CDH7: variants seen among roughly 807,000 people sequenced by gnomAD.
CDH7 encodes the protein cadherin 7.
CDH7 carries 25 observed loss-of-function variants against 71.8 expected under a neutral mutation model. That is an observed-to-expected ratio of 0.35 (90% CI 0.25 to 0.49). The LOEUF is 0.49. Among genes scored for constraint, CDH7 ranks in the 20% least tolerant of loss-of-function variants. The probability of loss-of-function intolerance (pLI) is 0.99; values close to 1 mark genes in which losing one functional copy is unlikely to be tolerated. For synonymous variants in CDH7, 381 were observed against 363.8 expected (o/e 1.05, Z -0.54); for missense variants, 862 against 974.6 (o/e 0.88, Z 1.54).
chr18:65,762,842 G>C lies in CDH7; in HGVS notation c.-1G>C. On this transcript the variant is annotated 5_prime_UTR_variant, in exon 2 of 12. Coordinates refer to ENST00000397968, the MANE Select transcript of CDH7 (RefSeq NM_004361.5). ...ACAGGAAAAAGAAAGAAAAAAAAAAGATGAAGTTGGGCAAAGTGGAGTTCT... is the reference window on the plus strand; with the variant it reads ...ACAGGAAAAAGAAAGAAAAAAAAAACATGAAGTTGGGCAAAGTGGAGTTCT... 3.1e-6 allele frequency: 5 copies of C among 1,595,312 alleles called. No homozygotes were observed. The highest frequency in any genetic ancestry group is 4.3e-6 in the Non-Finnish European group (5 of 1,172,976).
intron 4 of CDH7, among the ~76,000 whole-genome samples, chr18:65,816,061 T>C (rs4144764): frequency 0.86 from 130,790 of 152,158 alleles, 57,956 homozygotes; most frequent in East Asian, 0.99. Context: ...CCTATGGAGA[T>C]AAAGCCATAC....
chr18:65,827,958 C>T (rs1912192536), intron 6 of CDH7, among the ~76,000 whole-genome samples: 1 of 151,762 alleles, frequency 6.6e-6, no homozygotes, highest in Non-Finnish European at 1.5e-5. Flanking sequence ...AAAACAAAAT[C>T]TCAGTTTTCC....
At position 65,852,084 on chromosome 18, in the gene CDH7, G is replaced by A. The variant is rs141102061; in HGVS notation, c.1236-5732G>A. On this transcript the variant is annotated intron_variant, in intron 7 of 11. Coordinates refer to ENST00000397968, the MANE Select transcript of CDH7 (RefSeq NM_004361.5). Reference sequence around the variant, plus strand: ...AGAAAAGGCACAGAATTGGAGATGTGTGTGGTATATTTGTTCACCACTTAA... The same window carrying A: ...AGAAAAGGCACAGAATTGGAGATGTATGTGGTATATTTGTTCACCACTTAA... Among the ~76,000 whole-genome samples, 1,047 of 152,216 alleles carry A rather than the reference G, an allele frequency of 6.9e-3. 11 individuals carry two copies. The highest frequency in any genetic ancestry group is 0.034 in the East Asian group (176 of 5,162).
At chr18:65,761,460 A>C (rs1315543275) in intron 1 of CDH7, among the ~76,000 whole-genome samples, 1 of 151,412 alleles carries the variant, frequency 6.6e-6, no homozygotes, top group Non-Finnish European at 1.5e-5. Flanking sequence ...GCTTATGAGG[A>C]TAGTGCATTT....
chr18:65,758,460 A>G (rs918203548), intron 1 of CDH7, among the ~76,000 whole-genome samples: 2 of 152,216 alleles, frequency 1.3e-5, no homozygotes, highest in East Asian at 3.9e-4. Flanking sequence ...ACTGCCAAAA[A>G]TACTGGGGAA....
Position 65,889,489 on chromosome 18 carries a change from T to G in CDH7, c.*8595T>G, listed in dbSNP as rs1914452699. On this transcript the variant is annotated 3_prime_UTR_variant, in exon 12 of 12. Coordinates refer to ENST00000397968, the MANE Select transcript of CDH7 (RefSeq NM_004361.5). ...TTTTAAACCAAATATGAATTAGTAG[T>G]CAAAAATGACCAAACACAGACGATA... 6.6e-6 allele frequency: 1 copy of G among 152,078 alleles called. No homozygotes were observed. The highest frequency in any genetic ancestry group is 1.5e-5 in the Non-Finnish European group (1 of 68,018). 9.4% of individuals were successfully genotyped at this position (152,078 alleles called of 1,614,324 possible). A position where few individuals can be genotyped will look rare whatever the true frequency, so the allele number is the denominator to read the frequency against.
intron 11 of CDH7, among the ~76,000 whole-genome samples, chr18:65,871,185 A>C (rs1029321558): frequency 2.0e-5 from 3 of 152,156 alleles, no homozygotes; most frequent in African/African-American, 4.8e-5. Context: ...AAAAGTTCGG[A>C]ACTGAATCAT....
At chr18:65,799,416 G>A (rs1192281523) in intron 2 of CDH7, among the ~76,000 whole-genome samples, 3 of 152,128 alleles carry the variant, frequency 2.0e-5, no homozygotes, top group Non-Finnish European at 2.9e-5. Context: ...GGTGGCTCAA[G>A]CCTGTAATCC....
rs1914304383 is a variant in CDH7, at chr18:65,884,001, A to C, written c.*3107A>C. ...TTAATTATTTTCCACTTGTCCATACAGGAGCATCAATAGAAACTCAGGGTT... is the reference window on the plus strand; with the variant it reads ...TTAATTATTTTCCACTTGTCCATACCGGAGCATCAATAGAAACTCAGGGTT... On this transcript the variant is annotated 3_prime_UTR_variant, in exon 12 of 12. Transcript: ENST00000397968. The C allele has an allele frequency of 6.6e-6, 1 of 152,156 alleles. No individual in the cohort carries two copies. The highest frequency in any genetic ancestry group is 1.5e-5 in the Non-Finnish European group (1 of 68,006). The allele number at this position is 152,156 out of a possible 1,614,324, so 9.4% of individuals were successfully genotyped here. A position where few individuals can be genotyped will look rare whatever the true frequency, so the allele number is the denominator to read the frequency against.
At chr18:65,842,887 A>G (rs1912788344) in intron 6 of CDH7, among the ~76,000 whole-genome samples, 1 of 143,766 alleles carries the variant, frequency 7.0e-6, no homozygotes, top group African/African-American at 2.5e-5. Flanking sequence ...TTTTTGTTTT[A>G]CATCATTAAA....
At chr18:65,786,672 TTC>T (rs1003600390) in intron 2 of CDH7, among the ~76,000 whole-genome samples, 3 of 152,044 alleles carry the variant, frequency 2.0e-5, no homozygotes, top group African/African-American at 4.8e-5. Context: ...CTGCTTCTTT[TTC>T]TCTCTCTCTC....
At chr18:65,821,993 A>T (rs1911946695) in intron 4 of CDH7, 88 bp from the exon 5 acceptor site, 2 of 1,017,528 alleles carry the variant, frequency 2.0e-6, no homozygotes, top group Non-Finnish European at 3.1e-6. Flanking sequence ...CAACAACTCA[A>T]GAGGGACTTA....
intron 1 of CDH7, among the ~76,000 whole-genome samples, chr18:65,758,713 A>T (rs1414595432): frequency 6.6e-6 from 1 of 152,188 alleles, no homozygotes; most frequent in African/African-American, 2.4e-5. Context: ...ATATAATGGA[A>T]TTTTCTTGAA....
chr18:65,874,286 T>C (rs1914009405), intron 11 of CDH7, among the ~76,000 whole-genome samples: 1 of 152,012 alleles, frequency 6.6e-6, no homozygotes, highest in Non-Finnish European at 1.5e-5. Context: ...CTTTACAGAG[T>C]TTTAGGCTAG....
At chr18:65,804,698 A>ATGTG (rs1911248919) in intron 2 of CDH7, among the ~76,000 whole-genome samples, 1 of 38,776 alleles carries the variant, frequency 2.6e-5, no homozygotes, top group Non-Finnish European at 7.8e-5. Flanking sequence ...CCCTTAACAC[A>ATGTG]CGTGTGTGTG....
intron 2 of CDH7, among the ~76,000 whole-genome samples, chr18:65,781,721 A>G (rs2143830239): frequency 6.6e-6 from 1 of 151,922 alleles, no homozygotes; most frequent in African/African-American, 2.4e-5. Flanking sequence ...AAATAGAGCA[A>G]ACAACCTTTC....
intron 1 of CDH7, among the ~76,000 whole-genome samples, chr18:65,761,535 C>CAAAAAAA (rs36079642): frequency 8.1e-6 from 1 of 124,162 alleles, no homozygotes. Context: ...TCCTCTTCCT[C>CAAAAAAA]AAAAAAAAAA....
At chr18:65,773,340 AAAAG>A (rs1916601376) in intron 2 of CDH7, among the ~76,000 whole-genome samples, 1 of 152,142 alleles carries the variant, frequency 6.6e-6, no homozygotes, top group Admixed American at 6.6e-5. Flanking sequence ...ATTTTCACTA[AAAAG>A]AAAGAATATA....
chr18:65,773,863 CTT>C (rs1916619197), intron 2 of CDH7, among the ~76,000 whole-genome samples: 1 of 151,924 alleles, frequency 6.6e-6, no homozygotes, highest in South Asian at 2.1e-4. Flanking sequence ...TAGGATGACA[CTT>C]ATTTCTAGGA....
Sources: gnomAD v4.1 joint callset for allele counts (sites outside exome capture counted in the v4.1 genomes callset) on GRCh38, gnomAD v4.1.1 for gene constraint, MANE v1.5 for transcripts, NCBI Gene and HGNC (gene_info 2026-07-23, HGNC 2026-07-21) for gene names.